Variants in SLC27A6 observed in about 807,000 individuals in gnomAD.
The protein encoded by SLC27A6 is long-chain fatty acid transport protein 6.
In SLC27A6, 74 loss-of-function variants were observed where a neutral mutation model predicts 63.9. The observed-to-expected ratio is 1.16, with a 90% CI of 0.96 to 1.40. The LOEUF (loss-of-function observed/expected upper bound fraction) is 1.40, where lower values mean the gene tolerates loss of function less well. Among genes scored for constraint, SLC27A6 ranks in the 40% most tolerant of loss-of-function variants. The probability of loss-of-function intolerance (pLI) is 0.00; values close to 1 mark genes in which losing one functional copy is unlikely to be tolerated. For synonymous variants in SLC27A6, 287 were observed against 260.8 expected (o/e 1.10, Z -0.97); for missense variants, 794 against 732.9 (o/e 1.08, Z -0.96).
chr5:128,969,687 T>C (rs528946727), intron 1 of SLC27A6, among the ~76,000 whole-genome samples: 28 of 152,348 alleles, frequency 1.8e-4, no homozygotes, highest in African/African-American at 5.8e-4. Context: ...GTTCTCTAAA[T>C]ATACAATCAT....
intron 2 of SLC27A6, among the ~76,000 whole-genome samples, chr5:128,988,039 A>T (rs1405061711): frequency 1.3e-5 from 2 of 152,162 alleles, no homozygotes; most frequent in Non-Finnish European, 2.9e-5. Flanking sequence ...AAAATGAAAA[A>T]AAATAGAAAT....
chr5:128,974,487 T>G (rs1285643882), intron 1 of SLC27A6, among the ~76,000 whole-genome samples: 1 of 152,228 alleles, frequency 6.6e-6, no homozygotes, highest in East Asian at 1.9e-4. Flanking sequence ...AGATGTAGCT[T>G]AGATCATAGT....
intron 4 of SLC27A6, 135 bp downstream of exon 4, chr5:128,990,599 T>C: frequency 1.1e-6 from 1 of 898,478 alleles, no homozygotes; most frequent in Non-Finnish European, 1.6e-6. Context: ...TCCAAGATAG[T>C]GGCAGGTGCT....
chr5:129,026,593 G>A lies in SLC27A6; in HGVS notation c.1256-540G>A, dbSNP rs560286571. The stretch of plus-strand genomic sequence containing the variant: ...CATAAAAACTTGAATTTGAGTTATA[G>A]GTCCATTTATTTCTCTGAGCGTGGC... On this transcript the variant is annotated intron_variant, in intron 6 of 9. Coordinates refer to ENST00000262462, the MANE Select transcript of SLC27A6 (RefSeq NM_001017372.3). Among the ~76,000 whole-genome samples, 105 of 152,082 alleles carry A rather than the reference G, an allele frequency of 6.9e-4. No individual in the cohort carries two copies. The Middle Eastern group carries it at 0.027, about 39-fold the overall frequency.
intron 2 of SLC27A6, 75 bp downstream of exon 2, chr5:128,985,411 C>A: frequency 8.2e-7 from 1 of 1,225,706 alleles, no homozygotes; most frequent in Non-Finnish European, 1.2e-6. Flanking sequence ...CAAATTTCTA[C>A]CATGTGTAGT....
At chr5:128,972,296 T>G (rs907099851) in intron 1 of SLC27A6, among the ~76,000 whole-genome samples, 2 of 152,196 alleles carry the variant, frequency 1.3e-5, no homozygotes, top group African/African-American at 4.8e-5. Flanking sequence ...TTCCTGAATT[T>G]GAATGTTGGT....
chr5:129,009,919 C>T (rs1198495245), intron 4 of SLC27A6, among the ~76,000 whole-genome samples: 1 of 152,144 alleles, frequency 6.6e-6, no homozygotes, highest in East Asian at 1.9e-4. Flanking sequence ...TCAGGCAATC[C>T]ACCCGCCTCA....
chr5:129,032,538 G>T (rs1561636326), intron 9 of SLC27A6, among the ~76,000 whole-genome samples: 1 of 151,978 alleles, frequency 6.6e-6, no homozygotes, highest in South Asian at 2.1e-4. Flanking sequence ...TTTGTGACTG[G>T]TGACTAACAG....
At chr5:128,970,645 CTCTT>C (rs1192754446) in intron 1 of SLC27A6, among the ~76,000 whole-genome samples, 2 of 152,106 alleles carry the variant, frequency 1.3e-5, no homozygotes, top group African/African-American at 4.8e-5. Flanking sequence ...TGACTCTTCT[CTCTT>C]TTCTTCTTTA....
chr5:128,973,573 C>G (rs778022162), intron 1 of SLC27A6, among the ~76,000 whole-genome samples: 3 of 152,212 alleles, frequency 2.0e-5, no homozygotes, highest in Non-Finnish European at 4.4e-5. Context: ...GTGGGACCCA[C>G]CAAGCCAGGC....
At chr5:129,025,207 A>G (rs544023294) in intron 6 of SLC27A6, among the ~76,000 whole-genome samples, 1 of 152,312 alleles carries the variant, frequency 6.6e-6, no homozygotes, top group East Asian at 1.9e-4. Flanking sequence ...CCATTAAGGC[A>G]TTGTGTCTTC....
intron 1 of SLC27A6, among the ~76,000 whole-genome samples, chr5:128,972,169 G>A (rs138540558): frequency 0.24 from 36,625 of 152,014 alleles, 4,965 homozygotes; most frequent in Middle Eastern, 0.33. Flanking sequence ...TGGGTAACCC[G>A]ACCTTTCTCT....
At chr5:129,020,908 A>G (rs1752053429) in intron 5 of SLC27A6, among the ~76,000 whole-genome samples, 1 of 152,080 alleles carries the variant, frequency 6.6e-6, no homozygotes, top group Admixed American at 6.6e-5. Context: ...TGAAGCTTCC[A>G]GTTATGCTGT....
rs1263837600 is a variant in SLC27A6 at position 129,028,343 on chromosome 5, A to C, written c.1455-2A>C. The C allele has an allele frequency of 6.3e-7, 1 of 1,596,720 alleles. No individual in the cohort carries two copies. The highest frequency in any genetic ancestry group is 1.3e-5 in the African/African-American group (1 of 74,478). On this transcript the variant is annotated splice_acceptor_variant, in intron 7 of 9. Transcript: ENST00000262462. LOFTEE classifies it high-confidence loss of function. ...AACTGGAATTTGATTTTTTTCATTT[A>C]GATGGAAAGGAGAAAATGTCGCAAC...
At chr5:129,019,427 A>G (rs1013134616) in intron 5 of SLC27A6, among the ~76,000 whole-genome samples, 11 of 151,996 alleles carry the variant, frequency 7.2e-5, no homozygotes, top group African/African-American at 2.7e-4. Context: ...TAGGTGAAAT[A>G]AAGCTCGGAA....
At chr5:129,012,943 T>TA (rs1238328034) in intron 4 of SLC27A6, among the ~76,000 whole-genome samples, 3 of 152,058 alleles carry the variant, frequency 2.0e-5, no homozygotes, top group African/African-American at 7.2e-5. Flanking sequence ...TTTATGTACT[T>TA]ATGATATATT....
intron 4 of SLC27A6, among the ~76,000 whole-genome samples, chr5:128,996,826 A>G (rs1390851305): frequency 2.0e-5 from 3 of 152,154 alleles, no homozygotes; most frequent in Non-Finnish European, 2.9e-5. Flanking sequence ...GAGAGATCGA[A>G]TGATGCTATC....
At chr5:128,991,054 T>C (rs1003367128) in intron 4 of SLC27A6, among the ~76,000 whole-genome samples, 25 of 152,218 alleles carry the variant, frequency 1.6e-4, no homozygotes, top group African/African-American at 6.0e-4. Flanking sequence ...AGAACTCTCA[T>C]ACAACGGGAG....
At chr5:128,987,523 A>G (rs1291631715) in intron 2 of SLC27A6, among the ~76,000 whole-genome samples, 1 of 152,198 alleles carries the variant, frequency 6.6e-6, no homozygotes, top group Non-Finnish European at 1.5e-5. Flanking sequence ...ATGTTGGAGA[A>G]AACTGACAAG....
Sources: allele counts gnomAD v4.1 joint callset (sites outside exome capture counted in the v4.1 genomes callset), GRCh38; gene constraint gnomAD v4.1.1; transcripts MANE v1.5; gene names NCBI Gene and HGNC (gene_info 2026-07-23, HGNC 2026-07-21).